The following RLF variants were observed in gnomAD, a reference collection of about 807,000 sequenced individuals.
RLF encodes the protein RLF zinc finger, also known as zinc finger protein Rlf.
Under a neutral mutation model 162.9 loss-of-function variants are expected in RLF, and 7 were observed. That is an observed-to-expected ratio of 0.04 (90% confidence interval 0.02 to 0.08). The LOEUF (loss-of-function observed/expected upper bound fraction) is 0.08. Among genes scored for constraint, RLF ranks in the 10% least tolerant of loss-of-function variants. The pLI is 1.00. For synonymous variants in RLF, 782 were observed against 791.5 expected (o/e 0.99, Z 0.20); for missense variants, 1,664 against 2,244.7 (o/e 0.74, Z 5.23).
intron 1 of RLF, among the ~76,000 whole-genome samples, chr1:40,185,656 C>CAAAAAAAAA (rs1163398364): frequency 3.1e-4 from 12 of 38,324 alleles, no homozygotes; most frequent in East Asian, 8.9e-4. Context: ...ACTAAAAATA[C>CAAAAAAAAA]AAAAAAAAAA....
intron 6 of RLF, among the ~76,000 whole-genome samples, chr1:40,227,517 G>T (rs113915026): frequency 6.6e-6 from 1 of 152,204 alleles, no homozygotes; most frequent in East Asian, 1.9e-4. Context: ...ACTGGCTGTC[G>T]TGGTTTCAGG....
intron 1 of RLF, among the ~76,000 whole-genome samples, chr1:40,171,656 G>C (rs560611665): frequency 1.3e-5 from 2 of 152,228 alleles, no homozygotes; most frequent in African/African-American, 4.8e-5. Context: ...TTTACAAATA[G>C]ATGAATTAGA....
At chr1:40,185,842 G>GAAAA in intron 1 of RLF, among the ~76,000 whole-genome samples, 1 of 9,430 alleles carries the variant, frequency 1.1e-4, no homozygotes, top group African/African-American at 4.6e-4. Flanking sequence ...AAAAAAAAAA[G>GAAAA]CAAAAAAAAA....
rs1557762328 is a variant in RLF at position 40,236,514 on chromosome 1, T to C, written c.1812T>C (p.His604=). The change falls in exon 8 of 8, where the codon CAT becomes CAC. Residue 604 remains histidine (H), a synonymous_variant. Transcript: ENST00000372771. The surrounding 1 kb of genome is among the most constrained non-coding windows in gnomAD (Gnocchi z 7.7). ...KEMFVPHVME[H]VKMPPSRRDR... ...TGTTTGTTCCTCATGTGATGGAGCATGTTAAAATGCCACCAAGCAGAAGGG... is the reference window on the plus strand; with the variant it reads ...TGTTTGTTCCTCATGTGATGGAGCACGTTAAAATGCCACCAAGCAGAAGGG... The C allele has an allele frequency of 3.7e-6, 6 of 1,613,830 alleles. No homozygotes were observed. The highest frequency in any genetic ancestry group is 5.1e-6 in the Non-Finnish European group (6 of 1,179,924).
In RLF at chr1:40,231,618, A is replaced by G. The variant is rs752836973; in HGVS notation, c.1049A>G (p.Gln350Arg). The G allele has an allele frequency of 1.2e-6, 2 of 1,613,980 alleles. No individual in the cohort carries two copies. The highest frequency in any genetic ancestry group is 1.1e-5 in the South Asian group (1 of 91,040). The change falls in exon 7 of 8, where the codon CAG becomes CGG. Residue 350 changes from glutamine (Q) to arginine (R), a missense_variant. By Grantham distance (43) the Gln-to-Arg change is conservative. Around this residue, in one of 15 missense-constraint regions of RLF, gnomAD observed 287 missense variants for 404.9 expected, o/e 0.71. Coordinates refer to ENST00000372771, the MANE Select transcript of RLF (RefSeq NM_012421.4). ...CRQFGVIAKTQQHLFCLIRVI... is the reference protein window; with the variant it reads ...CRQFGVIAKTRQHLFCLIRVI... Reference sequence around the variant, plus strand: ...CAGTTTGGTGTCATAGCTAAAACGCAGCAGCATTTATTTTGCCTCATTAGA... The same window carrying G: ...CAGTTTGGTGTCATAGCTAAAACGCGGCAGCATTTATTTTGCCTCATTAGA...
chr1:40,214,003 T>C (rs1642893902), intron 5 of RLF, among the ~76,000 whole-genome samples: 1 of 152,264 alleles, frequency 6.6e-6, no homozygotes, highest in South Asian at 2.1e-4. Context: ...TTGAAACCTT[T>C]CTAACTGTAT....
At chr1:40,164,156 A>C (rs1276786445) in intron 1 of RLF, among the ~76,000 whole-genome samples, 1 of 152,228 alleles carries the variant, frequency 6.6e-6, no homozygotes, top group Non-Finnish European at 1.5e-5. Flanking sequence ...AGGCATTTTT[A>C]CATTATAAAG....
rs534352298 is a variant in RLF at position 40,169,473 on chromosome 1, G to A, written c.237+7837G>A. 3.9e-3 allele frequency among the ~76,000 whole-genome samples: 594 copies of A among 150,830 alleles called. 1 individual carries two copies. Among genetic ancestry groups the A allele is most frequent in the African/African-American group, 0.01 (429 of 41,240 alleles). Reference sequence around the variant, plus strand: ...CTACTAAAAATACAAAAAATTAGCCGGGCGCGGTGGCGGGCGCCTGTGGTC... The same window carrying A: ...CTACTAAAAATACAAAAAATTAGCCAGGCGCGGTGGCGGGCGCCTGTGGTC... On this transcript the variant is annotated intron_variant, in intron 1 of 7. Transcript: ENST00000372771.
chr1:40,214,944 A>AAAAAAAAAAC, intron 5 of RLF, among the ~76,000 whole-genome samples: 1 of 147,944 alleles, frequency 6.8e-6, no homozygotes, highest in East Asian at 1.9e-4. Context: ...AAAAAAAAAA[A>AAAAAAAAAAC]ACTAAAGTAT....
At chr1:40,185,745 G>A (rs1438366890) in intron 1 of RLF, among the ~76,000 whole-genome samples, 5 of 138,834 alleles carry the variant, frequency 3.6e-5, no homozygotes, top group South Asian at 4.7e-4. Context: ...GGAGAATGGC[G>A]TGAACCTGGG....
At chr1:40,234,562 G>A (rs1004970841) in intron 7 of RLF, among the ~76,000 whole-genome samples, 2 of 152,112 alleles carry the variant, frequency 1.3e-5, no homozygotes, top group East Asian at 3.8e-4. Flanking sequence ...ATGTGCCAGC[G>A]TTATTATTTC....
chr1:40,168,650 T>G (rs1230887544), intron 1 of RLF, among the ~76,000 whole-genome samples: 1 of 152,216 alleles, frequency 6.6e-6, no homozygotes, highest in East Asian at 1.9e-4. Flanking sequence ...AACCTCATTT[T>G]TATTACATAG....
In RLF at chr1:40,240,162, C is replaced by T. The variant is rs953362981; in HGVS notation, c.5460C>T (p.Asp1820=). ...TTGTGGCAAATAATATGGTGAATGA[C>T]AGTGAACCTGAAGTTGACATACCTC... The part of the protein sequence containing the change: ...GNVVANNMVN[D]SEPEVDIPHS... Residue 1820 remains aspartate (D), a synonymous_variant, in exon 8 of 8, where the codon GAC becomes GAT. Transcript: ENST00000372771. 5 of 1,614,032 alleles carry T rather than the reference C, an allele frequency of 3.1e-6. No individual in the cohort carries two copies. The African/African-American group carries it at 6.7e-5, about 22-fold the overall frequency.
intron 6 of RLF, among the ~76,000 whole-genome samples, chr1:40,231,172 C>G (rs528511739): frequency 1.3e-5 from 2 of 152,290 alleles, no homozygotes; most frequent in South Asian, 4.1e-4. Flanking sequence ...CCCATTAGGA[C>G]AGGGCTTAAT....
At chr1:40,230,456 G>C (rs1177862419) in intron 6 of RLF, among the ~76,000 whole-genome samples, 2 of 151,936 alleles carry the variant, frequency 1.3e-5, no homozygotes, top group South Asian at 2.1e-4. Context: ...TTTTGAGATG[G>C]AGTCTTGCTC....
In RLF at chr1:40,217,615, A is replaced by G. The variant is rs372474711; in HGVS notation, c.811-4959A>G. On this transcript the variant is annotated intron_variant, in intron 5 of 7. Coordinates refer to ENST00000372771, the MANE Select transcript of RLF (RefSeq NM_012421.4). The stretch of plus-strand genomic sequence containing the variant: ...GGTGAAACCCCATCTCTACTAAAAT[A>G]CAAAAAATTAGCTGGGCGCGGGAGC... Among the ~76,000 whole-genome samples the G allele has an allele frequency of 8.5e-5, 13 of 152,130 alleles. 1 individual carries two copies. The highest frequency in any genetic ancestry group is 3.9e-4 in the East Asian group (2 of 5,164).
chr1:40,215,861 C>T (rs958339261), intron 5 of RLF, among the ~76,000 whole-genome samples: 5 of 151,536 alleles, frequency 3.3e-5, no homozygotes, highest in Non-Finnish European at 5.9e-5. Context: ...AATAACCTAA[C>T]GATTCACCTT....
rs766622773 is a variant in RLF at position 40,238,900 on chromosome 1, G to A, written c.4198G>A (p.Glu1400Lys). 19 of 1,614,040 alleles carry A rather than the reference G, an allele frequency of 1.2e-5. No homozygotes were observed. The highest frequency in any genetic ancestry group is 6.7e-5 in the East Asian group (3 of 44,900). Residue 1400 changes from glutamate to lysine, a missense_variant, in exon 8 of 8, where the codon GAA becomes AAA. This residue lies in a region of RLF where 200 missense variants were observed against 207.3 expected (regional missense o/e 0.96). Transcript: ENST00000372771. This position sits in a 1 kb window ranked among gnomAD's most constrained non-coding sequence, Gnocchi z 5.2. ...DHIEEPKVLS[E>K]AGSAARFSCN... ...TATTGAAGAGCCTAAAGTACTTTCC[G>A]AAGCTGGATCTGCAGCAAGGTTTTC...
chr1:40,212,583 A>G (rs917760645), intron 5 of RLF, among the ~76,000 whole-genome samples: 8 of 152,190 alleles, frequency 5.3e-5, no homozygotes, highest in Admixed American at 3.9e-4. Flanking sequence ...AAGCACTTCT[A>G]TTTTAAAGAG....
Sources: allele counts gnomAD v4.1 joint callset (sites outside exome capture counted in the v4.1 genomes callset), GRCh38; gene constraint gnomAD v4.1.1; regional missense constraint gnomAD v4.1.1; non-coding constraint Gnocchi (gnomAD v3.1); transcripts MANE v1.5; gene names NCBI Gene and HGNC (gene_info 2026-07-23, HGNC 2026-07-21).